The following FOXP2 variants were observed in gnomAD, a reference collection of about 807,000 sequenced individuals.
FOXP2 encodes the protein forkhead box P2, also known as forkhead box protein P2.
FOXP2 carries 12 observed loss-of-function variants against 115.8 expected under a neutral mutation model. The observed-to-expected ratio is 0.10, with a 90% CI of 0.07 to 0.17. FOXP2 has a LOEUF of 0.17. Among genes scored for constraint, FOXP2 ranks in the 10% least tolerant of loss-of-function variants. The pLI is 1.00. For synonymous variants in FOXP2, 328 were observed against 297.7 expected (o/e 1.10, Z -1.05); for missense variants, 629 against 843.5 (o/e 0.75, Z 3.15).
intron 16 of FOXP2, among the ~76,000 whole-genome samples, chr7:114,678,711 T>C (rs986894814): frequency 6.6e-6 from 1 of 152,102 alleles, no homozygotes; most frequent in African/African-American, 2.4e-5. Context: ...ATCAATGTTA[T>C]TGTGGCCATT....
chr7:114,426,683 A>C lies in FOXP2; in HGVS notation c.168+4A>C. ...GCTGCATCTGCAACAACAGCAGGTA[A>C]GTTTTGTTTTCCTCAGTGCTTCCTT... On this transcript the variant is annotated splice_donor_region_variant and intron_variant, in intron 2 of 16. Transcript: ENST00000350908. 1 of 1,610,676 alleles carries C rather than the reference A, an allele frequency of 6.2e-7. No individual in the cohort carries two copies. Among genetic ancestry groups the C allele is most frequent in the Non-Finnish European group, 8.5e-7 (1 of 1,177,798 alleles).
intron 2 of FOXP2, among the ~76,000 whole-genome samples, chr7:114,501,342 C>T (rs1282279104): frequency 6.6e-6 from 1 of 152,064 alleles, no homozygotes; most frequent in African/African-American, 2.4e-5. Flanking sequence ...TATCAATACT[C>T]CAGTGCGGTT....
chr7:114,115,304 G>A (rs1300144001), intron 1 of FOXP2, among the ~76,000 whole-genome samples: 2 of 152,092 alleles, frequency 1.3e-5, no homozygotes, highest in Admixed American at 1.3e-4. Context: ...CATGGAACCT[G>A]CCTCTCCAGA....
intron 10 of FOXP2, among the ~76,000 whole-genome samples, chr7:114,654,569 AC>A (rs1305857423): frequency 1.3e-5 from 2 of 152,182 alleles, no homozygotes; most frequent in Non-Finnish European, 2.9e-5. Context: ...AGAGCTTATC[AC>A]AAAAAGAAGT....
chr7:114,441,335 C>A (rs1486664602), intron 2 of FOXP2, among the ~76,000 whole-genome samples: 2 of 151,930 alleles, frequency 1.3e-5, no homozygotes, highest in African/African-American at 4.8e-5. Context: ...GCCTGTAGTC[C>A]CAGCTACTTG....
At position 114,479,707 on chromosome 7, in the gene FOXP2, A is replaced by G. The variant is rs182640300; in HGVS notation, c.168+53028A>G. Reference sequence around the variant, plus strand: ...GAAATTTTTGTAAGTATACATTTAAACACAAATCTGTACACATGTTATTAT... The same window carrying G: ...GAAATTTTTGTAAGTATACATTTAAGCACAAATCTGTACACATGTTATTAT... On this transcript the variant is annotated intron_variant, in intron 2 of 16. Coordinates refer to ENST00000350908, the MANE Select transcript of FOXP2 (RefSeq NM_014491.4). 1.1e-3 allele frequency among the ~76,000 whole-genome samples: 164 copies of G among 151,724 alleles called. 1 individual carries two copies. The highest frequency in any genetic ancestry group is 1.9e-3 in the Non-Finnish European group (130 of 67,634).
intron 1 of FOXP2, among the ~76,000 whole-genome samples, chr7:114,187,711 C>T (rs1440004834): frequency 2.0e-5 from 3 of 152,148 alleles, no homozygotes; most frequent in Admixed American, 1.3e-4. Context: ...CAACCCCATT[C>T]GTGATACCAG....
chr7:114,647,271 A>G (rs926371577), intron 8 of FOXP2, among the ~76,000 whole-genome samples: 3 of 151,636 alleles, frequency 2.0e-5, no homozygotes, highest in African/African-American at 7.3e-5. Context: ...TTACATCTCA[A>G]ACAAACTGGT....
intron 1 of FOXP2, among the ~76,000 whole-genome samples, chr7:114,206,540 G>T (rs796289439): frequency 3.3e-5 from 5 of 151,974 alleles, no homozygotes; most frequent in Non-Finnish European, 7.4e-5. Context: ...TCCATTTTAT[G>T]CAGACCTCCA....
At chr7:114,509,967 T>C (rs540460918) in intron 2 of FOXP2, among the ~76,000 whole-genome samples, 1 of 150,752 alleles carries the variant, frequency 6.6e-6, no homozygotes. Flanking sequence ...TCGGGAGAGG[T>C]AGAAAACATG....
At chr7:114,340,575 T>C (rs1791177802) in intron 2 of FOXP2, among the ~76,000 whole-genome samples, 1 of 151,150 alleles carries the variant, frequency 6.6e-6, no homozygotes, top group African/African-American at 2.4e-5. Context: ...TTTTGCAAAA[T>C]AATTTTGCAA....
intron 1 of FOXP2, among the ~76,000 whole-genome samples, chr7:114,192,263 A>G (rs868557640): frequency 6.6e-6 from 1 of 152,080 alleles, no homozygotes; most frequent in Admixed American, 6.5e-5. Flanking sequence ...GGGATTACAG[A>G]CATGAGCCAC....
In FOXP2 at chr7:114,691,023, G is replaced by A. The variant is rs750318168; in HGVS notation, c.*1097G>A. On this transcript the variant is annotated 3_prime_UTR_variant, in exon 17 of 17. Coordinates refer to ENST00000350908, the MANE Select transcript of FOXP2 (RefSeq NM_014491.4). ...AAGATTTGCTTTCATTAAAGACAGA[G>A]GTGAGGACAAAATCCGCAGTGGAAG... 4 of 454,116 alleles carry A rather than the reference G, an allele frequency of 8.8e-6. No homozygotes were observed. Among genetic ancestry groups the A allele is most frequent in the African/African-American group, 2.0e-5 (1 of 49,996 alleles). The allele number at this position is 454,116 out of a possible 1,614,324, so 28.1% of individuals were successfully genotyped here.
intron 1 of FOXP2, among the ~76,000 whole-genome samples, chr7:114,248,206 G>C (rs530855744): frequency 8.6e-5 from 13 of 150,992 alleles, no homozygotes; most frequent in East Asian, 5.8e-4. Flanking sequence ...GAGAGAGAGA[G>C]AGAGAGACAG....
rs1289918180 is a variant in FOXP2, at chr7:114,692,256, A to G, written c.*2330A>G. Reference sequence around the variant, plus strand: ...TGGCCTAAGACTACAATGCTAAAGTATGCATACCTCAGTTAGAAAACTTTT... The same window carrying G: ...TGGCCTAAGACTACAATGCTAAAGTGTGCATACCTCAGTTAGAAAACTTTT... On this transcript the variant is annotated 3_prime_UTR_variant, in exon 17 of 17. Transcript: ENST00000350908. The G allele has an allele frequency of 2.2e-6, 1 of 453,998 alleles. No homozygotes were observed. Among genetic ancestry groups the G allele is most frequent in the South Asian group, 1.6e-5 (1 of 64,470 alleles). 28.1% of individuals were successfully genotyped at this position (453,998 alleles called of 1,614,324 possible). A position where few individuals can be genotyped will look rare whatever the true frequency, so the allele number is the denominator to read the frequency against.
intron 1 of FOXP2, among the ~76,000 whole-genome samples, chr7:114,218,465 T>C (rs1794538094): frequency 6.6e-6 from 1 of 152,086 alleles, no homozygotes; most frequent in African/African-American, 2.4e-5. Flanking sequence ...CTTATGGCAG[T>C]AGCATGTGCA....
intron 2 of FOXP2, among the ~76,000 whole-genome samples, chr7:114,455,574 G>T (rs1224973778): frequency 2.0e-5 from 3 of 152,258 alleles, no homozygotes; most frequent in African/African-American, 7.2e-5. Context: ...ATAATCTTCA[G>T]CTCTGTTACC....
intron 2 of FOXP2, among the ~76,000 whole-genome samples, chr7:114,375,347 A>G (rs1644594650): frequency 6.6e-6 from 1 of 152,154 alleles, no homozygotes; most frequent in African/African-American, 2.4e-5. Flanking sequence ...CTCTGGAGCT[A>G]GATTTAAAGT....
chr7:114,378,611 G>C (rs1054513247), intron 2 of FOXP2, among the ~76,000 whole-genome samples: 24 of 140,630 alleles, frequency 1.7e-4, no homozygotes, highest in African/African-American at 6.3e-4. Context: ...TTGAGTCCAA[G>C]AGTTTAAGGC....
Sources: allele counts gnomAD v4.1 joint callset (sites outside exome capture counted in the v4.1 genomes callset), GRCh38; gene constraint gnomAD v4.1.1; transcripts MANE v1.5; gene names NCBI Gene and HGNC (gene_info 2026-07-23, HGNC 2026-07-21).